RAD51B: variants seen among roughly 807,000 people sequenced by gnomAD.
RAD51B encodes DNA repair protein RAD51 homolog 2.
RAD51B carries 38 observed loss-of-function variants against 42.2 expected under a neutral mutation model. The ratio of observed to expected loss-of-function variants is 0.90; its 90% confidence interval spans 0.70 to 1.18. The LOEUF (loss-of-function observed/expected upper bound fraction) is 1.18. Among genes scored for constraint, RAD51B ranks in the 50% most tolerant of loss-of-function variants. The pLI is 0.00. For missense variants in RAD51B, 373 were observed against 400.7 expected, an observed-to-expected ratio of 0.93 and a Z score of 0.59; for synonymous variants, 154 against 145.2, an observed-to-expected ratio of 1.06 and a Z score of -0.43.
chr14:67,942,725 A>G (rs1566970599), intron 7 of RAD51B, among the ~76,000 whole-genome samples: 1 of 152,226 alleles, frequency 6.6e-6, no homozygotes, highest in Admixed American at 6.5e-5. Context: ...CGGAGTCTAT[A>G]GTTTCATGAA....
chr14:68,240,671 T>C (rs1378310805), intron 7 of RAD51B, among the ~76,000 whole-genome samples: 1 of 152,198 alleles, frequency 6.6e-6, no homozygotes, highest in East Asian at 1.9e-4. Flanking sequence ...CCCGTAGTCG[T>C]CCCAACTCAC....
At chr14:68,386,070 T>C (rs534204078) in intron 8 of RAD51B, among the ~76,000 whole-genome samples, 1 of 152,328 alleles carries the variant, frequency 6.6e-6, no homozygotes, top group East Asian at 1.9e-4. Context: ...TTCCAAAGTC[T>C]GTGGGTTCTC....
chr14:68,108,916 G>T (rs1448287645), intron 7 of RAD51B, among the ~76,000 whole-genome samples: 2 of 151,766 alleles, frequency 1.3e-5, no homozygotes, highest in East Asian at 1.9e-4. Context: ...AACCTTTATT[G>T]TCTATGAGGA....
chr14:67,878,435 A>G (rs1428659272), intron 5 of RAD51B, among the ~76,000 whole-genome samples: 1 of 151,554 alleles, frequency 6.6e-6, no homozygotes, highest in Non-Finnish European at 1.5e-5. Context: ...TGTTTATATG[A>G]TTTTTTTCCT....
chr14:68,005,842 A>G (rs987077294), intron 7 of RAD51B, among the ~76,000 whole-genome samples: 2 of 152,224 alleles, frequency 1.3e-5, no homozygotes, highest in African/African-American at 2.4e-5. Context: ...TACAGGAAGC[A>G]TAACGGCTTC....
intron 10 of RAD51B, among the ~76,000 whole-genome samples, chr14:68,505,546 CTTT>C (rs34764928): frequency 8.9e-5 from 10 of 112,074 alleles, no homozygotes; most frequent in East Asian, 2.9e-4. Context: ...ATTAGCCAAT[CTTT>C]TTTTTTTTTT....
rs143653795 is a variant in RAD51B at position 68,146,720 on chromosome 14, C to T, written c.757-145164C>T. On this transcript the variant is annotated intron_variant, in intron 7 of 10. Coordinates refer to ENST00000471583, the MANE Select transcript of RAD51B (RefSeq NM_133510.4). ...TTAATTGTCAGGGGACTTTGAGGCT[C>T]ATATAATTTGGCCCATAATTATGGC... is the stretch of plus-strand genomic sequence containing the variant. Among the ~76,000 whole-genome samples, 26 of 152,190 alleles carry T rather than the reference C, an allele frequency of 1.7e-4. 1 individual carries two copies. The East Asian group carries it at 4.2e-3, about 25-fold the overall frequency.
At position 68,325,639 on chromosome 14, in the gene RAD51B, C is replaced by T. The variant is rs141058197; in HGVS notation, c.853+33659C>T. On this transcript the variant is annotated intron_variant, in intron 8 of 10. Coordinates refer to ENST00000471583, the MANE Select transcript of RAD51B (RefSeq NM_133510.4). ...TTCTGTCTACTGCTTTCTCCTTCTA[C>T]GCTTAGGCCAAGAGTATATTACACT... Among the ~76,000 whole-genome samples the T allele has an allele frequency of 2.8e-3, 425 of 151,358 alleles. 11 individuals are homozygous for T. In the East Asian group the frequency reaches 0.046, roughly 16 times the overall value.
intron 10 of RAD51B, among the ~76,000 whole-genome samples, chr14:68,603,531 T>A (rs1161223207): frequency 6.6e-6 from 1 of 152,108 alleles, no homozygotes; most frequent in Admixed American, 6.5e-5. Flanking sequence ...GATTTGGGGG[T>A]CTGTTCTCAG....
chr14:67,975,260 A>G (rs897644831), intron 7 of RAD51B, among the ~76,000 whole-genome samples: 3 of 152,204 alleles, frequency 2.0e-5, no homozygotes, highest in East Asian at 1.9e-4. Flanking sequence ...GGGCTCCACC[A>G]TCTTCTTTGC....
At position 68,348,073 on chromosome 14, in the gene RAD51B, A is replaced by T. The variant is rs571263257; in HGVS notation, c.853+56093A>T. Among the ~76,000 whole-genome samples, 6 of 152,344 alleles carry T rather than the reference A, an allele frequency of 3.9e-5. No homozygotes were observed. In the South Asian group the frequency reaches 1.2e-3, roughly 32 times the overall value. ...CCCAATGGTACCAAGTGACCATTGC[A>T]TGGACCATGCTCTGGGAGGGCATGA... On this transcript the variant is annotated intron_variant, in intron 8 of 10. Coordinates refer to ENST00000471583, the MANE Select transcript of RAD51B (RefSeq NM_133510.4).
chr14:68,080,568 T>C (rs1039950173), intron 7 of RAD51B, among the ~76,000 whole-genome samples: 2 of 152,286 alleles, frequency 1.3e-5, no homozygotes, highest in East Asian at 3.9e-4. Context: ...TCCAAGGTGT[T>C]AAAGCTTTTT....
chr14:68,172,969 T>C (rs552547622), intron 7 of RAD51B, among the ~76,000 whole-genome samples: 14 of 152,230 alleles, frequency 9.2e-5, no homozygotes, highest in Non-Finnish European at 1.9e-4. Context: ...GCCTTTGTTT[T>C]AGTCTGAAGA....
intron 7 of RAD51B, among the ~76,000 whole-genome samples, chr14:67,911,450 A>C (rs1014063093): frequency 6.6e-6 from 1 of 152,156 alleles, no homozygotes; most frequent in Non-Finnish European, 1.5e-5. Context: ...AACTGGATGC[A>C]TCCTGATATG....
intron 7 of RAD51B, among the ~76,000 whole-genome samples, chr14:67,963,503 C>T (rs779804000): frequency 2.6e-5 from 4 of 152,036 alleles, no homozygotes; most frequent in Admixed American, 6.5e-5. Context: ...TAAATACTTA[C>T]GCAGTTTTAT....
intron 8 of RAD51B, among the ~76,000 whole-genome samples, chr14:68,315,894 G>A (rs2082052072): frequency 6.6e-6 from 1 of 152,182 alleles, no homozygotes; most frequent in Non-Finnish European, 1.5e-5. Flanking sequence ...CTGCCCCCCA[G>A]AGTTTGAAGA....
At chr14:68,479,667 C>CTTTTTTTTTTTTT (rs34999023), downstream of RAD51B, among the ~76,000 whole-genome samples, 13 of 96,432 alleles carry the variant, frequency 1.3e-4, no homozygotes, top group African/African-American at 1.6e-4. Flanking sequence ...TCTTATTCTT[C>CTTTTTTTTTTTTT]TTTTTTTTTT....
intron 7 of RAD51B, among the ~76,000 whole-genome samples, chr14:67,987,650 A>G (rs897023869): frequency 2.0e-5 from 3 of 152,182 alleles, no homozygotes; most frequent in Admixed American, 6.5e-5. Context: ...ATTGACTTTC[A>G]TAAGTATTTT....
At chr14:68,168,714 C>T (rs2078806130) in intron 7 of RAD51B, among the ~76,000 whole-genome samples, 1 of 152,130 alleles carries the variant, frequency 6.6e-6, no homozygotes, top group Non-Finnish European at 1.5e-5. Flanking sequence ...GCATAGTTCA[C>T]TGGATAAGGT....
Sources: gnomAD v4.1 joint callset for allele counts (sites outside exome capture counted in the v4.1 genomes callset) on GRCh38, gnomAD v4.1.1 for gene constraint, MANE v1.5 for transcripts, NCBI Gene and HGNC (gene_info 2026-07-23, HGNC 2026-07-21) for gene names.